The following HSPA8 variants were observed in gnomAD, a reference collection of about 807,000 sequenced individuals.
The protein encoded by HSPA8 is heat shock cognate 71 kDa protein.
HSPA8 carries 2 observed loss-of-function variants against 52.8 expected under a neutral mutation model. That is an observed-to-expected ratio of 0.04 (90% CI 0.02 to 0.12). HSPA8 has a LOEUF of 0.12. Ranked by LOEUF, HSPA8 falls within the 10% of genes least tolerant of loss-of-function variation. The pLI is 1.00. For synonymous variants in HSPA8, 436 were observed against 274.0 expected, an observed-to-expected ratio of 1.59 and a Z score of -5.84; for missense variants, 349 against 800.5, an observed-to-expected ratio of 0.44 and a Z score of 6.81.
intron 4 of HSPA8, 21 bp from the exon 5 acceptor site, chr11:123,060,049 A>G (rs746155109): frequency 2.0e-5 from 32 of 1,612,630 alleles, no homozygotes; most frequent in Non-Finnish European, 2.5e-6. Context: ...AAACAATCTC[A>G]TTTAAATTTA....
intron 2 of HSPA8, 26 bp from the exon 3 acceptor site, chr11:123,060,824 C>T: frequency 2.1e-6 from 3 of 1,457,582 alleles, no homozygotes; most frequent in South Asian, 2.4e-5. Context: ...AATGAAAACA[C>T]TTTCAATTTC....
rs147896723 is a variant in HSPA8, at chr11:123,058,021, C to G, written c.1756-102G>C. Reference sequence around the variant, plus strand: ...ACTAAAAGTCTGGCGCAAACTCTTACAAGAGGGCCACTACCAACATTAAAA... The same window carrying G: ...ACTAAAAGTCTGGCGCAAACTCTTAGAAGAGGGCCACTACCAACATTAAAA... On this transcript the variant is annotated intron_variant, in intron 8 of 8. Coordinates refer to ENST00000534624, the MANE Select transcript of HSPA8 (RefSeq NM_006597.6). The G allele has an allele frequency of 3.0e-5, 28 of 918,200 alleles. No individual in the cohort carries two copies. In the East Asian group the frequency reaches 5.8e-4, roughly 19 times the overall value. The allele number at this position is 918,200 out of a possible 1,614,324, so 56.9% of individuals were successfully genotyped here. A position where few individuals can be genotyped will look rare whatever the true frequency, so the allele number is the denominator to read the frequency against.
Position 123,057,721 on chromosome 11 carries a change from A to G in HSPA8, c.*13T>C, listed in dbSNP as rs772120884. The stretch of plus-strand genomic sequence containing the variant: ...AAATGTGTGGAACAATGCTACATCT[A>G]CACTTGGTTGGCTTAATCAACCTCT... On this transcript the variant is annotated 3_prime_UTR_variant, in exon 9 of 9. Coordinates refer to ENST00000534624, the MANE Select transcript of HSPA8 (RefSeq NM_006597.6). 2.6e-5 allele frequency: 41 copies of G among 1,594,662 alleles called. No individual in the cohort carries two copies. Among genetic ancestry groups the G allele is most frequent in the Non-Finnish European group, 3.4e-5 (40 of 1,171,966 alleles).
chr11:123,059,637 T>C lies in HSPA8; in HGVS notation c.956A>G (p.Lys319Arg), dbSNP rs1223624505. 6.2e-7 allele frequency: 1 copy of C among 1,614,168 alleles called. No homozygotes were observed. Among genetic ancestry groups the C allele is most frequent in the Admixed American group, 1.7e-5 (1 of 60,018 alleles). ...LFRGTLDPVEKALRDAKLDKS... is the reference protein window; with the variant it reads ...LFRGTLDPVERALRDAKLDKS... ...GTCTAGTTTGGCATCTCGAAGGGCT[T>C]TCTCTACTGGGTCCAGGGTGCCACG... is the stretch of plus-strand genomic sequence containing the variant. Residue 319 changes from lysine to arginine, a missense_variant, in exon 5 of 9, where the codon AAA (lysine) becomes AGA (arginine). Physicochemically the swap from Lys to Arg is conservative, Grantham distance 26. Transcript: ENST00000534624.
At chr11:123,061,405 C>A in intron 1 of HSPA8, 76 bp from the exon 2 acceptor site, 8 of 1,162,280 alleles carry the variant, frequency 6.9e-6, no homozygotes, top group Non-Finnish European at 1.0e-5. Context: ...GAACACTTAA[C>A]CAGGAAAAAC....
At position 123,058,244 on chromosome 11, in the gene HSPA8, A is replaced by AAC. The variant is rs1555074072; in HGVS notation, c.1755+7_1755+8insGT. The AAC allele has an allele frequency of 2.6e-5, 40 of 1,512,068 alleles. No homozygotes were observed. The South Asian group carries it at 2.7e-4, about 10-fold the overall frequency. 93.7% of individuals were successfully genotyped at this position (1,512,068 alleles called of 1,614,324 possible). ...GGGGGAGGAAAAAAAAAAAAAAAAA[A>AAC]CACAAACCTGATTCTTATCAAGCCA... On this transcript the variant is annotated splice_region_variant and intron_variant, in intron 8 of 8. Coordinates refer to ENST00000534624, the MANE Select transcript of HSPA8 (RefSeq NM_006597.6).
intron 3 of HSPA8, 129 bp downstream of exon 3, chr11:123,060,464 T>C (rs1865460723): frequency 3.3e-6 from 3 of 905,924 alleles, no homozygotes; most frequent in Admixed American, 2.1e-5. Flanking sequence ...AGGGCACTGT[T>C]GGGCACGTGG....
Position 123,058,241 on chromosome 11 carries a change from A to AAAAAAAAC in HSPA8, c.1755+10_1755+11insGTTTTTTT, listed in dbSNP as rs1865375645. On this transcript the variant is annotated intron_variant, in intron 8 of 8. Transcript: ENST00000534624. The stretch of plus-strand genomic sequence containing the variant: ...AGTGGGGGAGGAAAAAAAAAAAAAA[A>AAAAAAAAC]AAACACAAACCTGATTCTTATCAAG... 4.0e-6 allele frequency: 6 copies of AAAAAAAAC among 1,518,444 alleles called. No individual in the cohort carries two copies. The Admixed American group carries it at 1.1e-4, about 28-fold the overall frequency. The allele number at this position is 1,518,444 out of a possible 1,614,324, so 94.1% of individuals were successfully genotyped here. A position where few individuals can be genotyped will look rare whatever the true frequency, so the allele number is the denominator to read the frequency against.
At chr11:123,061,540 A>G (rs562409839) in intron 1 of HSPA8, 2 of 585,154 alleles carry the variant, frequency 3.4e-6, no homozygotes, top group East Asian at 2.9e-5. Context: ...TAGATGAAGG[A>G]CCCATCTACC....
chr11:123,057,616 G>A lies in HSPA8; in HGVS notation c.*118C>T, dbSNP rs1370665760. 5.9e-6 allele frequency: 4 copies of A among 681,294 alleles called. No homozygotes were observed. The highest frequency in any genetic ancestry group is 1.8e-5 in the African/African-American group (1 of 54,754). 42.2% of individuals were successfully genotyped at this position (681,294 alleles called of 1,614,324 possible). On this transcript the variant is annotated 3_prime_UTR_variant, in exon 9 of 9. Transcript: ENST00000534624. Reference sequence around the variant, plus strand: ...TGTTCCATATTCAAGTATTGAGAATGCCCAGTAACTTACTATAGCAGCTTA... The same window carrying A: ...TGTTCCATATTCAAGTATTGAGAATACCCAGTAACTTACTATAGCAGCTTA...
rs758347569 is a variant in HSPA8, at chr11:123,059,461, T to C, written c.1120+12A>G. Reference sequence around the variant, plus strand: ...TGCCTGCCTTTAGGGTTAATTGAGATACCATTGTTACCTGCACCATAAGCA... The same window carrying C: ...TGCCTGCCTTTAGGGTTAATTGAGACACCATTGTTACCTGCACCATAAGCA... On this transcript the variant is annotated intron_variant, in intron 5 of 8. Coordinates refer to ENST00000534624, the MANE Select transcript of HSPA8 (RefSeq NM_006597.6). 40 of 1,605,446 alleles carry C rather than the reference T, an allele frequency of 2.5e-5. No individual in the cohort carries two copies. Among genetic ancestry groups the C allele is most frequent in the Non-Finnish European group, 3.2e-5 (38 of 1,174,624 alleles).
chr11:123,061,676 C>T, intron 1 of HSPA8: 2 of 328,916 alleles, frequency 6.1e-6, no homozygotes, highest in Admixed American at 4.5e-5. Context: ...GGAATGTACC[C>T]CCATACTGGA....
Position 123,058,241 on chromosome 11 carries a change from A to AAAG in HSPA8, c.1755+10_1755+11insCTT, listed in dbSNP as rs1555074104. 6 of 1,518,452 alleles carry AAAG rather than the reference A, an allele frequency of 4.0e-6. No homozygotes were observed. The African/African-American group carries it at 4.2e-5, about 11-fold the overall frequency. 94.1% of individuals were successfully genotyped at this position (1,518,452 alleles called of 1,614,324 possible). On this transcript the variant is annotated intron_variant, in intron 8 of 8. Transcript: ENST00000534624. Reference sequence around the variant, plus strand: ...AGTGGGGGAGGAAAAAAAAAAAAAAAAAACACAAACCTGATTCTTATCAAG... The same window carrying AAAG: ...AGTGGGGGAGGAAAAAAAAAAAAAAAAAGAAACACAAACCTGATTCTTATCAAG...
Position 123,058,493 on chromosome 11 carries a change from G to C in HSPA8, c.1523-9C>G, listed in dbSNP as rs77374206. 1.2e-6 allele frequency: 2 copies of C among 1,611,962 alleles called. No individual in the cohort carries two copies. The highest frequency in any genetic ancestry group is 1.7e-6 in the Non-Finnish European group (2 of 1,178,188). Reference sequence around the variant, plus strand: ...TTCCTTGCTCAAACGGCCTAGGAAAGAAATTAACTCTAAGTAAAAGCCTTA... The same window carrying C: ...TTCCTTGCTCAAACGGCCTAGGAAACAAATTAACTCTAAGTAAAAGCCTTA... On this transcript the variant is annotated splice_polypyrimidine_tract_variant and intron_variant, in intron 7 of 8. Coordinates refer to ENST00000534624, the MANE Select transcript of HSPA8 (RefSeq NM_006597.6).
At chr11:123,058,207 C>CA in intron 8 of HSPA8, 45 bp downstream of exon 8, 1 of 1,200,846 alleles carries the variant, frequency 8.3e-7, no homozygotes, top group South Asian at 1.3e-5. Flanking sequence ...ATCCCCTTCC[C>CA]CTCCATTGAG....
rs1865441204 is a variant in HSPA8 at position 123,059,906 on chromosome 11, A to T, written c.687T>A (p.Gly229=). ...VKSTAGDTHL[G]GEDFDNRMVN... is the part of the protein sequence containing the mutation. ...CCATTCGGTTGTCAAAATCTTCTCCACCCAAGTGGGTGTCTCCAGCTGTAG... is the reference window on the plus strand; with the variant it reads ...CCATTCGGTTGTCAAAATCTTCTCCTCCCAAGTGGGTGTCTCCAGCTGTAG... The change falls in exon 5 of 9, where the codon GGT becomes GGA. Residue 229 remains glycine, a synonymous_variant. Coordinates refer to ENST00000534624, the MANE Select transcript of HSPA8 (RefSeq NM_006597.6). 1 of 1,613,434 alleles carries T rather than the reference A, an allele frequency of 6.2e-7. No homozygotes were observed.
In HSPA8 at chr11:123,059,927, T is replaced by C. The variant is rs1415768927; in HGVS notation, c.666A>G (p.Thr222=). The C allele has an allele frequency of 6.2e-7, 1 of 1,614,000 alleles. No homozygotes were observed. Among genetic ancestry groups the C allele is most frequent in the South Asian group, 1.1e-5 (1 of 91,076 alleles). ...CTCCACCCAAGTGGGTGTCTCCAGC[T>C]GTAGACTTGACCTCAAAGATTCCAT... is the stretch of plus-strand genomic sequence containing the variant. ...IEDGIFEVKS[T]AGDTHLGGED... is the part of the protein sequence containing the mutation. The change falls in exon 5 of 9, where the codon ACA becomes ACG. Residue 222 remains threonine, a synonymous_variant. Transcript: ENST00000534624.
chr11:123,058,764 T>A lies in HSPA8; in HGVS notation c.1390A>T (p.Ile464Leu), dbSNP rs925044940. Residue 464 changes from isoleucine to leucine, a missense_variant, in exon 7 of 9, where the codon ATA becomes TTA. Coordinates refer to ENST00000534624, the MANE Select transcript of HSPA8 (RefSeq NM_006597.6). Reference protein sequence around the residue: ...NLLGKFELTGIPPAPRGVPQI... With the variant: ...NLLGKFELTGLPPAPRGVPQI... Reference sequence around the variant, plus strand: ...GGAACACCTCGGGGTGCAGGAGGTATGCCTGTGAGTTCAAACTTGCCAAGC... The same window carrying A: ...GGAACACCTCGGGGTGCAGGAGGTAAGCCTGTGAGTTCAAACTTGCCAAGC... 3.1e-6 allele frequency: 5 copies of A among 1,614,086 alleles called. No homozygotes were observed. The highest frequency in any genetic ancestry group is 2.5e-6 in the Non-Finnish European group (3 of 1,180,044).
chr11:123,058,168 A>G (rs1207029412), intron 8 of HSPA8, 84 bp downstream of exon 8: 3 of 919,648 alleles, frequency 3.3e-6, no homozygotes, highest in Admixed American at 2.1e-5. Context: ...GTGACCCTAC[A>G]CTGAAATCCA....
Sources: gnomAD v4.1 joint callset for allele counts on GRCh38, gnomAD v4.1.1 for gene constraint, MANE v1.5 for transcripts, NCBI Gene and HGNC (gene_info 2026-07-23, HGNC 2026-07-21) for gene names.